DNAI4: variants seen among roughly 807,000 people sequenced by gnomAD.
DNAI4 encodes dynein axonemal intermediate chain 4, also known as WD repeat domain 78.
A neutral mutation model predicts 105.8 loss-of-function variants in DNAI4; 85 were observed. The observed-to-expected ratio is 0.80, with a 90% CI of 0.67 to 0.96. The LOEUF (loss-of-function observed/expected upper bound fraction) is 0.96, where lower values mean the gene tolerates loss of function less well. Ranked by LOEUF, DNAI4 falls within the 40% of genes least tolerant of loss-of-function variation. The pLI is 0.00. For synonymous variants in DNAI4, 352 were observed against 331.5 expected, an observed-to-expected ratio of 1.06 and a Z score of -0.67; for missense variants, 1,014 against 1,005.6, an observed-to-expected ratio of 1.01 and a Z score of -0.11.
chr1:66,877,100 T>A (rs549796130), intron 4 of DNAI4, among the ~76,000 whole-genome samples: 5 of 152,324 alleles, frequency 3.3e-5, no homozygotes, highest in African/African-American at 1.2e-4. Flanking sequence ...GATGCAATTG[T>A]TTGGCTATTC....
chr1:66,847,372 C>T, intron 8 of DNAI4, 112 bp downstream of exon 8: 2 of 1,000,718 alleles, frequency 2.0e-6, no homozygotes, highest in Non-Finnish European at 2.9e-6. Flanking sequence ...TAGCTTGCTA[C>T]AACCTTGAAC....
intron 1 of DNAI4, among the ~76,000 whole-genome samples, chr1:66,916,234 T>TA (rs1464627276): frequency 4.6e-5 from 7 of 152,056 alleles, no homozygotes; most frequent in Non-Finnish European, 7.4e-5. Context: ...GGATTTATTT[T>TA]AAAAAAAACT....
intron 5 of DNAI4, among the ~76,000 whole-genome samples, chr1:66,873,322 G>A (rs1646889847): frequency 6.7e-6 from 1 of 150,044 alleles, no homozygotes; most frequent in Non-Finnish European, 1.5e-5. Flanking sequence ...GCTCACTGCA[G>A]CCACAACTTC....
At chr1:66,859,861 T>C (rs1646587135) in intron 7 of DNAI4, among the ~76,000 whole-genome samples, 1 of 152,158 alleles carries the variant, frequency 6.6e-6, no homozygotes, top group Non-Finnish European at 1.5e-5. Context: ...AGTGAAACTA[T>C]TAATTTTTTG....
intron 1 of DNAI4, among the ~76,000 whole-genome samples, chr1:66,914,602 T>C (rs1001498546): frequency 6.6e-6 from 1 of 152,220 alleles, no homozygotes; most frequent in African/African-American, 2.4e-5. Context: ...GCTATCTGAC[T>C]TTCACCTGAG....
intron 8 of DNAI4, 85 bp from the exon 9 acceptor site, chr1:66,840,756 A>C (rs1439368597): frequency 7.3e-7 from 1 of 1,363,738 alleles, no homozygotes; most frequent in African/African-American, 1.4e-5. Context: ...TCTACCCACC[A>C]CTGACACTTC....
chr1:66,827,021 T>C lies in DNAI4; in HGVS notation c.2138A>G (p.Asn713Ser), dbSNP rs762541108. Reference sequence around the variant, plus strand: ...TAAAAATACATCATGACAAAATGGATTCCATGTCACTTTATACACTGGACC... The same window carrying C: ...TAAAAATACATCATGACAAAATGGACTCCATGTCACTTTATACACTGGACC... ...HKGPVYKVTW[N>S]PFCHDVFLSC... Residue 713 changes from asparagine to serine, a missense_variant, in exon 15 of 17, where the codon AAT becomes AGT. Physicochemically the swap from Asn to Ser is conservative, Grantham distance 46. Transcript: ENST00000371026. 3.6e-5 allele frequency: 58 copies of C among 1,613,954 alleles called. No individual in the cohort carries two copies. The highest frequency in any genetic ancestry group is 4.3e-5 in the Non-Finnish European group (51 of 1,179,996).
At chr1:66,886,557 C>A (rs1647206547) in intron 4 of DNAI4, among the ~76,000 whole-genome samples, 1 of 152,096 alleles carries the variant, frequency 6.6e-6, no homozygotes, top group Non-Finnish European at 1.5e-5. Context: ...CCCTTCCTGG[C>A]TTTCAGGCTT....
intron 9 of DNAI4, among the ~76,000 whole-genome samples, chr1:66,839,460 G>C (rs1257967268): frequency 6.6e-6 from 1 of 152,122 alleles, no homozygotes; most frequent in Non-Finnish European, 1.5e-5. Context: ...TATGACAACT[G>C]TCTTGTTTGC....
At chr1:66,863,959 T>G (rs752265591) in intron 6 of DNAI4, among the ~76,000 whole-genome samples, 3 of 152,200 alleles carry the variant, frequency 2.0e-5, no homozygotes, top group Non-Finnish European at 4.4e-5. Context: ...TTTCTTTTGT[T>G]TAACTGAAAG....
At chr1:66,884,720 A>C (rs544552281) in intron 4 of DNAI4, among the ~76,000 whole-genome samples, 1 of 152,184 alleles carries the variant, frequency 6.6e-6, no homozygotes, top group Admixed American at 6.5e-5. Flanking sequence ...CATCAGGGTG[A>C]TGCTGGCCTT....
chr1:66,905,287 T>G lies in DNAI4; in HGVS notation c.259A>C (p.Ser87Arg). The change falls in exon 2 of 17, where the codon AGC becomes CGC. Residue 87 changes from serine to arginine, a missense_variant. Coordinates refer to ENST00000371026, the MANE Select transcript of DNAI4 (RefSeq NM_024763.5). ...ACGGTTTTGGACACAGCCATTCTGC[T>G]TTGATTTGCACCAGTATATCCTTTC... ...SVKGYTGANQ[S>R]RMAVSKTVLI... 1 of 1,585,642 alleles carries G rather than the reference T, an allele frequency of 6.3e-7. No individual in the cohort carries two copies. Among genetic ancestry groups the G allele is most frequent in the Non-Finnish European group, 8.6e-7 (1 of 1,160,916 alleles).
At chr1:66,844,562 C>CA (rs1430382831) in intron 8 of DNAI4, among the ~76,000 whole-genome samples, 3 of 151,252 alleles carry the variant, frequency 2.0e-5, no homozygotes, top group Non-Finnish European at 4.4e-5. Flanking sequence ...GACTCTGTCT[C>CA]AAAAAATGAA....
At chr1:66,893,182 G>C (rs1246960219) in intron 3 of DNAI4, 47 bp downstream of exon 3, 1 of 1,123,284 alleles carries the variant, frequency 8.9e-7, no homozygotes, top group Admixed American at 3.0e-5. Context: ...AAATGGAAAG[G>C]CAATATATAT....
In DNAI4 at chr1:66,913,205, A is replaced by G. The variant is rs569365588; in HGVS notation, c.171-7830T>C. 3.9e-5 allele frequency among the ~76,000 whole-genome samples: 6 copies of G among 152,274 alleles called. No homozygotes were observed. The East Asian group carries it at 1.2e-3, about 29-fold the overall frequency. ...CTGACTTGGGGTTTTCCTTGGCTCA[A>G]GTTAAGATTAACAACCAGCTGGTCT... On this transcript the variant is annotated intron_variant, in intron 1 of 16. Transcript: ENST00000371026.
intron 2 of DNAI4, among the ~76,000 whole-genome samples, chr1:66,901,634 T>G (rs1411806104): frequency 6.6e-6 from 1 of 152,230 alleles, no homozygotes; most frequent in Non-Finnish European, 1.5e-5. Flanking sequence ...TTTAGTTGCT[T>G]TCACCTTTTA....
intron 6 of DNAI4, among the ~76,000 whole-genome samples, chr1:66,869,753 G>A (rs981048907): frequency 5.9e-5 from 9 of 152,112 alleles, no homozygotes; most frequent in Admixed American, 6.6e-5. Flanking sequence ...ATAACCACAG[G>A]CCTAACAATG....
chr1:66,827,415 C>T (rs1248439071), intron 14 of DNAI4, among the ~76,000 whole-genome samples: 1 of 151,748 alleles, frequency 6.6e-6, no homozygotes, highest in Non-Finnish European at 1.5e-5. Context: ...GCTTTAGAGG[C>T]TAAAGTGGGA....
Position 66,893,413 on chromosome 1 carries a change from C to G in DNAI4, c.346G>C (p.Val116Leu). Residue 116 changes from valine to leucine, a missense_variant and splice_region_variant, in exon 3 of 17, where the codon GTA (valine) becomes CTA (leucine). By Grantham distance (32) the Val-to-Leu change is conservative. Transcript: ENST00000371026. ...ACATCAGTTCCATTTATGTCAAATA[C>G]CTGTTAAAAATGGTTATTTAAAATG... is the stretch of plus-strand genomic sequence containing the variant. ...KPNPNIKTTQVFDINGTDVTP... is the reference protein window; with the variant it reads ...KPNPNIKTTQLFDINGTDVTP... 6.6e-7 allele frequency: 1 copy of G among 1,511,606 alleles called. No homozygotes were observed. The highest frequency in any genetic ancestry group is 8.9e-7 in the Non-Finnish European group (1 of 1,128,630). 93.6% of individuals were successfully genotyped at this position (1,511,606 alleles called of 1,614,324 possible).
Sources: allele counts gnomAD v4.1 joint callset (sites outside exome capture counted in the v4.1 genomes callset), GRCh38; gene constraint gnomAD v4.1.1; transcripts MANE v1.5; gene names NCBI Gene and HGNC (gene_info 2026-07-23, HGNC 2026-07-21).